The following DNTT variants were observed in gnomAD, a reference collection of about 807,000 sequenced individuals.
The protein encoded by DNTT is nucleosidetriphosphate:DNA deoxynucleotidylexotransferase.
Under a neutral mutation model 60.9 loss-of-function variants are expected in DNTT, and 47 were observed. The ratio of observed to expected loss-of-function variants is 0.77; its 90% CI spans 0.61 to 0.98. The LOEUF (loss-of-function observed/expected upper bound fraction) is 0.98. Ranked by LOEUF, DNTT falls within the 50% of genes least tolerant of loss-of-function variation. The pLI is 0.00. For synonymous variants in DNTT, 224 were observed against 221.2 expected, an observed-to-expected ratio of 1.01 and a Z score of -0.11; for missense variants, 665 against 627.5, an observed-to-expected ratio of 1.06 and a Z score of -0.64.
intron 1 of DNTT, among the ~76,000 whole-genome samples, chr10:96,313,846 C>T (rs1844750881): frequency 6.6e-6 from 1 of 152,092 alleles, no homozygotes; most frequent in Non-Finnish European, 1.5e-5. Flanking sequence ...GAGATGGTGG[C>T]GATGGAGCAG....
rs117273547 is a variant in DNTT, at chr10:96,325,060, G to A, written c.874+671G>A. Reference sequence around the variant, plus strand: ...CTGGCAGGGCCTCTCAGAGGTTGAAGGTAGCCTGGTCACTTCCATTTATGA... The same window carrying A: ...CTGGCAGGGCCTCTCAGAGGTTGAAAGTAGCCTGGTCACTTCCATTTATGA... On this transcript the variant is annotated intron_variant, in intron 6 of 10. Coordinates refer to ENST00000371174, the MANE Select transcript of DNTT (RefSeq NM_004088.4). 2.8e-4 allele frequency among the ~76,000 whole-genome samples: 43 copies of A among 152,270 alleles called. 1 individual carries two copies. The East Asian group carries it at 7.9e-3, about 28-fold the overall frequency.
intron 5 of DNTT, 97 bp downstream of exon 5, chr10:96,322,825 A>G (rs1844896684): frequency 3.2e-6 from 3 of 947,762 alleles, no homozygotes; most frequent in Non-Finnish European, 4.7e-6. Flanking sequence ...CTGCAATAAC[A>G]AAATACAGAG....
At chr10:96,308,229 G>A (rs1844667442) in intron 1 of DNTT, among the ~76,000 whole-genome samples, 2 of 152,166 alleles carry the variant, frequency 1.3e-5, no homozygotes, top group Non-Finnish European at 1.5e-5. Flanking sequence ...TCAAAGTGTT[G>A]CACTGTCTGG....
intron 1 of DNTT, among the ~76,000 whole-genome samples, chr10:96,307,758 CATAT>C (rs201864849): frequency 2.4e-5 from 2 of 82,184 alleles, no homozygotes; most frequent in East Asian, 7.3e-4. Context: ...TGTGTGTGTG[CATAT>C]ATATATATAT....
intron 10 of DNTT, among the ~76,000 whole-genome samples, chr10:96,337,651 G>A (rs529278208): frequency 1.3e-5 from 2 of 152,328 alleles, no homozygotes; most frequent in East Asian, 3.9e-4. Flanking sequence ...GATCCTGCTG[G>A]GGTTAGAGGC....
At chr10:96,314,777 G>A (rs1344404849) in intron 1 of DNTT, among the ~76,000 whole-genome samples, 3 of 152,080 alleles carry the variant, frequency 2.0e-5, no homozygotes, top group Non-Finnish European at 2.9e-5. Context: ...ATTAAATGAA[G>A]TGATGTATAA....
At chr10:96,322,958 C>T (rs977463437) in intron 5 of DNTT, among the ~76,000 whole-genome samples, 8 of 152,162 alleles carry the variant, frequency 5.3e-5, no homozygotes, top group African/African-American at 1.9e-4. Flanking sequence ...TGCTCCCCTG[C>T]TCACATGGTG....
chr10:96,315,054 C>T (rs559437822), intron 1 of DNTT, among the ~76,000 whole-genome samples: 3 of 152,222 alleles, frequency 2.0e-5, no homozygotes, highest in African/African-American at 7.2e-5. Flanking sequence ...AACCCCGACA[C>T]GAGGAAGCAC....
At chr10:96,335,473 CG>C (rs1332737200) in intron 9 of DNTT, among the ~76,000 whole-genome samples, 1 of 152,198 alleles carries the variant, frequency 6.6e-6, no homozygotes, top group African/African-American at 2.4e-5. Flanking sequence ...CAGGCTGGAA[CG>C]GGTTCCCTGA....
At chr10:96,336,779 T>C (rs1845076760) in intron 10 of DNTT, among the ~76,000 whole-genome samples, 1 of 151,682 alleles carries the variant, frequency 6.6e-6, no homozygotes, top group Non-Finnish European at 1.5e-5. Context: ...CCATCTCTAC[T>C]AAAAATACAA....
chr10:96,331,599 G>A (rs1227457362), intron 8 of DNTT, among the ~76,000 whole-genome samples: 2 of 152,102 alleles, frequency 1.3e-5, no homozygotes, highest in African/African-American at 4.8e-5. Flanking sequence ...CCATGAGGAT[G>A]AGGACGGCAC....
At position 96,335,966 on chromosome 10, in the gene DNTT, A is replaced by T; in HGVS notation, c.1435A>T (p.Lys479Ter). 6.2e-7 allele frequency: 1 copy of T among 1,614,174 alleles called. No individual in the cohort carries two copies. The highest frequency in any genetic ancestry group is 8.5e-7 in the Non-Finnish European group (1 of 1,180,016). ...MILDNHALYD[K>*]TKRIFLKAES... ...TCTGGATAACCATGCTTTATATGAC[A>T]AGACCAAGGTACAGTTCTCTTCCTA... The change falls in exon 10 of 11, where the codon AAG becomes TAG. Residue 479 changes from lysine (K) to a stop codon, truncating the protein, a stop_gained. Transcript: ENST00000371174. LOFTEE classifies it high-confidence loss of function.
chr10:96,329,895 C>T (rs1202659344), intron 8 of DNTT, among the ~76,000 whole-genome samples: 2 of 152,152 alleles, frequency 1.3e-5, no homozygotes, highest in African/African-American at 2.4e-5. Context: ...TCCCTCCTGC[C>T]CCACAGCTCT....
At chr10:96,332,665 C>T in intron 9 of DNTT, 69 bp downstream of exon 9, 1 of 1,573,936 alleles carries the variant, frequency 6.4e-7, no homozygotes, top group Non-Finnish European at 8.6e-7. Flanking sequence ...CTACCTGGGC[C>T]CAGGGGAGAG....
chr10:96,326,368 T>C (rs2133991865), intron 6 of DNTT, among the ~76,000 whole-genome samples: 1 of 152,342 alleles, frequency 6.6e-6, no homozygotes, highest in Middle Eastern at 3.4e-3. Flanking sequence ...GAAAGTAGTG[T>C]TCCACAAGTG....
At chr10:96,310,727 T>C (rs1844705762) in intron 1 of DNTT, among the ~76,000 whole-genome samples, 1 of 152,014 alleles carries the variant, frequency 6.6e-6, no homozygotes, top group Non-Finnish European at 1.5e-5. Context: ...ACTTAGACAA[T>C]TTTCTTTCAC....
chr10:96,330,255 T>C (rs1844990409), intron 8 of DNTT, among the ~76,000 whole-genome samples: 1 of 150,972 alleles, frequency 6.6e-6, no homozygotes, highest in Admixed American at 6.6e-5. Context: ...CAATAAAGAA[T>C]GGCCCATTTC....
At chr10:96,308,263 A>G (rs1023871825) in intron 1 of DNTT, among the ~76,000 whole-genome samples, 1 of 152,236 alleles carries the variant, frequency 6.6e-6, no homozygotes, top group African/African-American at 2.4e-5. Context: ...TGCAACATGC[A>G]TGCAACATAA....
At chr10:96,334,250 T>C (rs1845041657) in intron 9 of DNTT, among the ~76,000 whole-genome samples, 1 of 152,172 alleles carries the variant, frequency 6.6e-6, no homozygotes, top group Non-Finnish European at 1.5e-5. Flanking sequence ...TAAAACTCAA[T>C]TTTCCCGTCA....
Sources: gnomAD v4.1 joint callset for allele counts (sites outside exome capture counted in the v4.1 genomes callset) on GRCh38, gnomAD v4.1.1 for gene constraint, MANE v1.5 for transcripts, NCBI Gene and HGNC (gene_info 2026-07-23, HGNC 2026-07-21) for gene names.